The following GALNT13 variants were observed in gnomAD, a reference collection of about 807,000 sequenced individuals.
The protein encoded by GALNT13 is polypeptide N-acetylgalactosaminyltransferase 13, also known as UDP-GalNAc:polypeptide N-acetylgalactosaminyltransferase 13.
A neutral mutation model predicts 64.2 loss-of-function variants in GALNT13; 28 were observed. That is an observed-to-expected ratio of 0.44 (90% CI 0.32 to 0.60). GALNT13 has a LOEUF of 0.60. Among genes scored for constraint, GALNT13 ranks in the 20% least tolerant of loss-of-function variants. The pLI is 0.05. For missense variants in GALNT13, 577 were observed against 669.8 expected (o/e 0.86, Z 1.53); for synonymous variants, 214 against 224.6 (o/e 0.95, Z 0.42).
At chr2:153,082,606 TATATATATATATAC>T in the GALNT13 span, among the ~76,000 whole-genome samples, 16 of 44,786 alleles carry the variant, frequency 3.6e-4, no homozygotes, top group African/African-American at 9.8e-4. Flanking sequence ...TATATATATA[TATATATATATATAC>T]ACACACACAC....
At chr2:153,637,382 G>A in the GALNT13 span, among the ~76,000 whole-genome samples, 1 of 152,058 alleles carries the variant, frequency 6.6e-6, no homozygotes. Flanking sequence ...TTATGCAGTG[G>A]AAATTCCAAT....
chr2:154,350,642 A>G (rs767592914), intron 9 of GALNT13, among the ~76,000 whole-genome samples: 42 of 152,138 alleles, frequency 2.8e-4, no homozygotes, highest in Admixed American at 2.8e-3. Context: ...ACTTTCCTGT[A>G]TATATCTATC....
chr2:153,149,716 G>A, the GALNT13 span, among the ~76,000 whole-genome samples: 1 of 151,708 alleles, frequency 6.6e-6, no homozygotes, highest in South Asian at 2.1e-4. Context: ...ATAGCCTACT[G>A]TGTCCTGACA....
chr2:153,874,748 A>G (rs1461463654), intron 1 of GALNT13, among the ~76,000 whole-genome samples: 3 of 152,118 alleles, frequency 2.0e-5, no homozygotes, highest in Non-Finnish European at 4.4e-5. Context: ...GTAATTGAGA[A>G]CTAGTAGAAG....
intron 4 of GALNT13, among the ~76,000 whole-genome samples, chr2:154,209,540 G>A (rs1284068151): frequency 6.6e-6 from 1 of 152,022 alleles, no homozygotes; most frequent in Admixed American, 6.6e-5. Context: ...ATGTTTTACT[G>A]CTTTACCACT....
At chr2:153,800,599 A>G in the GALNT13 span, among the ~76,000 whole-genome samples, 3 of 152,192 alleles carry the variant, frequency 2.0e-5, no homozygotes, top group African/African-American at 7.2e-5. Context: ...CTACATTATC[A>G]ATTAAGTTTA....
Position 154,188,808 on chromosome 2 carries a change from A to G in GALNT13, c.311+48303A>G, listed in dbSNP as rs149336112. On this transcript the variant is annotated intron_variant, in intron 4 of 12. Coordinates refer to ENST00000392825, the MANE Select transcript of GALNT13 (RefSeq NM_052917.4). ...AAAGTACAAAGCATATCTCATACTC[A>G]AAATATAGTATTTCATTTTTCTGCA... 6.8e-3 allele frequency among the ~76,000 whole-genome samples: 1,028 copies of G among 152,272 alleles called. 7 individuals carry two copies. Among genetic ancestry groups the G allele is most frequent in the African/African-American group, 0.024 (993 of 41,556 alleles).
At chr2:153,571,860 T>G in the GALNT13 span, among the ~76,000 whole-genome samples, 1 of 152,030 alleles carries the variant, frequency 6.6e-6, no homozygotes, top group South Asian at 2.1e-4. Flanking sequence ...AGTATTTTGT[T>G]GAGGATTACA....
chr2:154,408,890 A>G, intron 10 of GALNT13, 94 bp from the exon 11 acceptor site: 2 of 743,146 alleles, frequency 2.7e-6, no homozygotes, highest in Non-Finnish European at 2.3e-6. Flanking sequence ...TGTATTATTC[A>G]GTTAACAATA....
chr2:153,445,757 G>A, the GALNT13 span, among the ~76,000 whole-genome samples: 2 of 152,054 alleles, frequency 1.3e-5, no homozygotes, highest in Non-Finnish European at 2.9e-5. Context: ...AGATTCAGGG[G>A]TATTTCTCCT....
chr2:154,419,950 A>G (rs1271486943), intron 11 of GALNT13, among the ~76,000 whole-genome samples: 1 of 152,166 alleles, frequency 6.6e-6, no homozygotes, highest in Non-Finnish European at 1.5e-5. Flanking sequence ...GATTAATATT[A>G]CATTTCTATA....
the GALNT13 span, among the ~76,000 whole-genome samples, chr2:153,078,924 G>A: frequency 6.6e-6 from 1 of 152,124 alleles, no homozygotes; most frequent in African/African-American, 2.4e-5. Context: ...ACTTAGTCAT[G>A]ATGTATTTTT....
the GALNT13 span, among the ~76,000 whole-genome samples, chr2:153,386,533 G>T: frequency 1.3e-5 from 2 of 152,042 alleles, no homozygotes; most frequent in Non-Finnish European, 2.9e-5. Context: ...TTGTGGCTTT[G>T]TGGTGGATGA....
At chr2:153,831,707 C>CT in the GALNT13 span, among the ~76,000 whole-genome samples, 1 of 152,156 alleles carries the variant, frequency 6.6e-6, no homozygotes, top group African/African-American at 2.4e-5. Context: ...GGTGCTATCT[C>CT]TGTGTTTCTA....
chr2:153,589,784 G>C, the GALNT13 span, among the ~76,000 whole-genome samples: 1 of 152,100 alleles, frequency 6.6e-6, no homozygotes, highest in Non-Finnish European at 1.5e-5. Flanking sequence ...AGAACAGCAC[G>C]GGAAAGATTT....
chr2:153,376,304 C>A, the GALNT13 span, among the ~76,000 whole-genome samples: 1 of 152,092 alleles, frequency 6.6e-6, no homozygotes, highest in Non-Finnish European at 1.5e-5. Flanking sequence ...ACTTAAACAT[C>A]GTTCAGTATC....
At chr2:153,161,253 GT>G in the GALNT13 span, among the ~76,000 whole-genome samples, 1 of 152,132 alleles carries the variant, frequency 6.6e-6, no homozygotes, top group Non-Finnish European at 1.5e-5. Flanking sequence ...GAACTGATTT[GT>G]CTTACAGTGT....
the GALNT13 span, among the ~76,000 whole-genome samples, chr2:153,705,147 A>G: frequency 1.3e-5 from 2 of 152,196 alleles, no homozygotes; most frequent in Non-Finnish European, 2.9e-5. Flanking sequence ...CCATATACAT[A>G]ATGCAGATAG....
the GALNT13 span, among the ~76,000 whole-genome samples, chr2:153,486,801 A>G: frequency 2.0e-5 from 3 of 152,074 alleles, no homozygotes; most frequent in Non-Finnish European, 4.4e-5. Flanking sequence ...TCATTATTTC[A>G]CTCTGACTTT....
Sources: allele counts gnomAD v4.1 joint callset (sites outside exome capture counted in the v4.1 genomes callset), GRCh38; gene constraint gnomAD v4.1.1; transcripts MANE v1.5; gene names NCBI Gene and HGNC (gene_info 2026-07-23, HGNC 2026-07-21).